NARS1: variants seen among roughly 807,000 people sequenced by gnomAD.
NARS1 encodes asparagine--tRNA ligase, cytoplasmic.
A neutral mutation model predicts 79.2 loss-of-function variants in NARS1; 65 were observed. The observed-to-expected ratio is 0.82, with a 90% confidence interval of 0.67 to 1.01. The LOEUF (loss-of-function observed/expected upper bound fraction) is 1.01, where lower values mean the gene tolerates loss of function less well. NARS1 is among the 50% of genes least tolerant of loss of function. NARS1 has a pLI of 0.00. For missense variants in NARS1, 649 were observed against 673.8 expected (o/e 0.96, Z 0.41); for synonymous variants, 229 against 238.8 (o/e 0.96, Z 0.38).
intron 7 of NARS1, among the ~76,000 whole-genome samples, chr18:57,608,029 G>A (rs991863724): frequency 6.6e-6 from 1 of 151,754 alleles, no homozygotes; most frequent in African/African-American, 2.4e-5. Flanking sequence ...CACCACGTCT[G>A]GCTAATTTTT....
intron 11 of NARS1, among the ~76,000 whole-genome samples, chr18:57,605,009 C>T (rs2051541008): frequency 6.6e-6 from 1 of 151,586 alleles, no homozygotes; most frequent in Non-Finnish European, 1.5e-5. Context: ...CTTGGTTTTG[C>T]ATTTTTAACC....
Position 57,613,567 on chromosome 18 carries a change from A to G in NARS1, c.421+35T>C, listed in dbSNP as rs751865784. 4 of 1,550,810 alleles carry G rather than the reference A, an allele frequency of 2.6e-6. No individual in the cohort carries two copies. The African/African-American group carries it at 5.5e-5, about 21-fold the overall frequency. On this transcript the variant is annotated intron_variant, in intron 5 of 13. Coordinates refer to ENST00000256854, the MANE Select transcript of NARS1 (RefSeq NM_004539.4). ...TCTTCATCTAAGAGCAGGGATATTT[A>G]AACATTAAAAAGAAGGAAAAGCTTT...
At chr18:57,619,329 C>T (rs1213912808) in intron 2 of NARS1, among the ~76,000 whole-genome samples, 3 of 148,464 alleles carry the variant, frequency 2.0e-5, no homozygotes, top group Non-Finnish European at 4.4e-5. Flanking sequence ...ATAAACCCAG[C>T]ACTTTGGGAG....
At chr18:57,606,873 G>A in intron 9 of NARS1, 122 bp from the exon 10 acceptor site, 1 of 1,331,960 alleles carries the variant, frequency 7.5e-7, no homozygotes, top group Non-Finnish European at 1.0e-6. Context: ...TCCCAACTTT[G>A]CAAATTAGCT....
rs1460222048 is a variant in NARS1, at chr18:57,602,880, G to A, written c.1315C>T (p.Arg439Ter). The A allele has an allele frequency of 1.9e-6, 3 of 1,613,972 alleles. No homozygotes were observed. Among genetic ancestry groups the A allele is most frequent in the Non-Finnish European group, 1.7e-6 (2 of 1,179,868 alleles). ...AAGGACTTGATCTCCACAGGAAATC[G>A]ACACAGCAAGATTGGTTCATTAATG... is the stretch of plus-strand genomic sequence containing the variant. The part of the protein sequence containing the change: ...DTINEPILLC[R>*]FPVEIKSFYM... The change falls in exon 12 of 14, where the codon CGA becomes TGA. Residue 439 changes from arginine to a stop codon, truncating the protein, a stop_gained. Coordinates refer to ENST00000256854, the MANE Select transcript of NARS1 (RefSeq NM_004539.4). LOFTEE classifies it high-confidence loss of function.
chr18:57,621,652 A>G (rs1908309568), intron 1 of NARS1, 56 bp downstream of exon 1: 1 of 1,440,452 alleles, frequency 6.9e-7, no homozygotes. Flanking sequence ...ACCCGACTGG[A>G]GCAGAGTTCC....
intron 5 of NARS1, among the ~76,000 whole-genome samples, chr18:57,613,080 G>C (rs1172185880): frequency 6.6e-6 from 1 of 152,038 alleles, no homozygotes; most frequent in Non-Finnish European, 1.5e-5. Context: ...ACAAATTTAA[G>C]ATATAAATCA....
intron 2 of NARS1, among the ~76,000 whole-genome samples, chr18:57,617,545 C>G (rs1241716014): frequency 1.4e-5 from 2 of 140,912 alleles, no homozygotes; most frequent in African/African-American, 5.4e-5. Flanking sequence ...GCACTCCAGC[C>G]TGGGTGACAA....
At chr18:57,604,900 A>G (rs950678617) in intron 11 of NARS1, among the ~76,000 whole-genome samples, 2 of 152,038 alleles carry the variant, frequency 1.3e-5, no homozygotes, top group African/African-American at 2.4e-5. Context: ...AATAAAGAAA[A>G]TTTGCAACCC....
At position 57,606,728 on chromosome 18, in the gene NARS1, C is replaced by T. The variant is rs2122428716; in HGVS notation, c.1025G>A (p.Cys342Tyr). ...LAEYTHVEAE[C>Y]PFLTFDDLLN... is the part of the protein sequence containing the mutation. ...GAGGTCGTCAAAAGTCAGGAAAGGA[C>T]ACTCAGCTTCCACGTGAGTGTACCT... Residue 342 changes from cysteine (C) to tyrosine (Y), a missense_variant, in exon 10 of 14, where the codon TGT becomes TAT. Coordinates refer to ENST00000256854, the MANE Select transcript of NARS1 (RefSeq NM_004539.4). The T allele has an allele frequency of 6.2e-7, 1 of 1,614,160 alleles. No individual in the cohort carries two copies. Among genetic ancestry groups the T allele is most frequent in the Non-Finnish European group, 8.5e-7 (1 of 1,180,024 alleles).
intron 4 of NARS1, among the ~76,000 whole-genome samples, chr18:57,614,039 C>T (rs1269693120): frequency 1.3e-5 from 2 of 152,166 alleles, no homozygotes; most frequent in African/African-American, 4.8e-5. Flanking sequence ...TTTTCCATGA[C>T]CCCACAGTTC....
chr18:57,618,048 G>A (rs886274297), intron 2 of NARS1, among the ~76,000 whole-genome samples: 2 of 151,620 alleles, frequency 1.3e-5, no homozygotes, highest in Non-Finnish European at 2.9e-5. Flanking sequence ...AGGCCGAGGT[G>A]AGTGGATCAC....
At chr18:57,620,818 T>C (rs1268847322) in intron 1 of NARS1, among the ~76,000 whole-genome samples, 167 bp from the exon 2 acceptor site, 1 of 152,238 alleles carries the variant, frequency 6.6e-6, no homozygotes, top group Non-Finnish European at 1.5e-5. Flanking sequence ...TTCAATAACA[T>C]CCATCTCATA....
At chr18:57,605,134 A>AAAT (rs536569272) in intron 11 of NARS1, among the ~76,000 whole-genome samples, 179 of 135,200 alleles carry the variant, frequency 1.3e-3, no homozygotes, top group Admixed American at 3.4e-3. Flanking sequence ...AAAAAAAAAA[A>AAAT]ATATATATAT....
intron 4 of NARS1, among the ~76,000 whole-genome samples, chr18:57,615,093 A>G (rs1231138702): frequency 6.6e-6 from 1 of 152,168 alleles, no homozygotes; most frequent in African/African-American, 2.4e-5. Context: ...GTTAGAGCCC[A>G]GGAGGCAGAG....
Position 57,607,471 on chromosome 18 carries a change from ATC to A in NARS1, c.772_773del (p.Asp258SerfsTer4), listed in dbSNP as rs763577079. The A allele has an allele frequency of 6.2e-7, 1 of 1,614,182 alleles. No individual in the cohort carries two copies. On this transcript the variant is annotated frameshift_variant, in exon 8 of 14. Transcript: ENST00000256854. LOFTEE classifies it high-confidence loss of function. ...CATAGTACCCCCTATCAAAGAAGTG[ATC>A]TCTAAAGCACCTGGTGACCATGGAT... ...ARSMVTRCFRDHFFDRGYYEV... is the reference protein window; with the variant it reads ...ARSMVTRCFRXHFFDRGYYEV...
At chr18:57,604,673 T>C (rs531640153) in intron 11 of NARS1, among the ~76,000 whole-genome samples, 2 of 152,130 alleles carry the variant, frequency 1.3e-5, no homozygotes, top group South Asian at 4.1e-4. Flanking sequence ...GAGGACTGCT[T>C]GAGCCAAGGA....
At chr18:57,602,211 C>T (rs1399747513) in intron 13 of NARS1, 144 bp downstream of exon 13, 7 of 736,324 alleles carry the variant, frequency 9.5e-6, no homozygotes, top group Non-Finnish European at 1.5e-5. Context: ...GCAATATTCA[C>T]ACACCACATT....
At chr18:57,617,255 A>G (rs1412236141) in intron 2 of NARS1, among the ~76,000 whole-genome samples, 11 of 152,140 alleles carry the variant, frequency 7.2e-5, no homozygotes, top group African/African-American at 2.7e-4. Flanking sequence ...ACTTTTTCTC[A>G]GTTCTACGAC....
Sources: allele counts gnomAD v4.1 joint callset (sites outside exome capture counted in the v4.1 genomes callset), GRCh38; gene constraint gnomAD v4.1.1; transcripts MANE v1.5; gene names NCBI Gene and HGNC (gene_info 2026-07-23, HGNC 2026-07-21).